RMND5B: variants seen among roughly 807,000 people sequenced by gnomAD.
RMND5B encodes E3 ubiquitin-protein transferase RMND5B.
A neutral mutation model predicts 50.4 loss-of-function variants in RMND5B; 42 were observed. The observed-to-expected ratio is 0.83, with a 90% CI of 0.65 to 1.08. The LOEUF (loss-of-function observed/expected upper bound fraction) is 1.08. RMND5B is among the 50% of genes least tolerant of loss of function. RMND5B has a pLI of 0.00. For missense variants in RMND5B, 463 were observed against 508.5 expected, an observed-to-expected ratio of 0.91 and a Z score of 0.86; for synonymous variants, 220 against 210.0, an observed-to-expected ratio of 1.05 and a Z score of -0.41.
In RMND5B at chr5:178,138,337, T is replaced by C. The variant is rs1385318970; in HGVS notation, c.139+79T>C. 2 of 1,545,798 alleles carry C rather than the reference T, an allele frequency of 1.3e-6. No individual in the cohort carries two copies. The highest frequency in any genetic ancestry group is 2.0e-5 in the Admixed American group (1 of 50,432). On this transcript the variant is annotated intron_variant, in intron 3 of 10. Transcript: ENST00000313386. The surrounding 1 kb of genome is among the most constrained non-coding windows in gnomAD (Gnocchi z 5.1). Reference sequence around the variant, plus strand: ...GACCCGAAGCTACTGAGTGACAGGGTTCCGGAAGGACGATGATGAGGATGT... The same window carrying C: ...GACCCGAAGCTACTGAGTGACAGGGCTCCGGAAGGACGATGATGAGGATGT...
chr5:178,135,616 A>T (rs1351069922), intron 2 of RMND5B, among the ~76,000 whole-genome samples: 3 of 152,148 alleles, frequency 2.0e-5, no homozygotes, highest in African/African-American at 4.8e-5. Context: ...TGAGGTCCCT[A>T]GATTGTTTCC....
chr5:178,147,294 G>A lies in RMND5B; in HGVS notation c.861-239G>A. On this transcript the variant is annotated intron_variant, in intron 8 of 10. Coordinates refer to ENST00000313386, the MANE Select transcript of RMND5B (RefSeq NM_022762.5). Reference sequence around the variant, plus strand: ...GCAGATATCTGCCCCTAGAGCTATAGGAAGTCTTCCCTGTAGGTTCTCAAA... The same window carrying A: ...GCAGATATCTGCCCCTAGAGCTATAAGAAGTCTTCCCTGTAGGTTCTCAAA... 4 of 562,594 alleles carry A rather than the reference G, an allele frequency of 7.1e-6. No homozygotes were observed. In the Middle Eastern group the frequency reaches 1.9e-3, roughly 267 times the overall value. The allele number at this position is 562,594 out of a possible 1,614,324, so 34.9% of individuals were successfully genotyped here.
At position 178,144,122 on chromosome 5, in the gene RMND5B, C is replaced by A; in HGVS notation, c.694+14C>A. 2 of 1,610,252 alleles carry A rather than the reference C, an allele frequency of 1.2e-6. No homozygotes were observed. Among genetic ancestry groups the A allele is most frequent in the Non-Finnish European group, 1.7e-6 (2 of 1,177,638 alleles). ...TGCACCAGCGGGGTGAGTGCCCAGGCAGCTGGGGTTGTGCTGCCTGGCCTG... is the reference window on the plus strand; with the variant it reads ...TGCACCAGCGGGGTGAGTGCCCAGGAAGCTGGGGTTGTGCTGCCTGGCCTG... On this transcript the variant is annotated intron_variant, in intron 7 of 10. Transcript: ENST00000313386.
intron 8 of RMND5B, 22 bp from the exon 9 acceptor site, chr5:178,147,511 A>C: frequency 6.2e-7 from 1 of 1,607,390 alleles, no homozygotes; most frequent in Non-Finnish European, 8.5e-7. Context: ...GAGCCACTCT[A>C]GCCCCTGTTC....
chr5:178,135,549 T>A (rs1241179412), intron 2 of RMND5B, among the ~76,000 whole-genome samples: 1 of 152,344 alleles, frequency 6.6e-6, no homozygotes, highest in Admixed American at 6.5e-5. Flanking sequence ...TTCTAAATGC[T>A]CCACAGGTTT....
At chr5:178,133,966 G>C (rs1353528172) in intron 2 of RMND5B, among the ~76,000 whole-genome samples, 1 of 152,106 alleles carries the variant, frequency 6.6e-6, no homozygotes, top group Non-Finnish European at 1.5e-5. Context: ...ACTCGCCTCG[G>C]CCTCCCAAAG....
chr5:178,141,660 T>C (rs1758951232), intron 3 of RMND5B: 1 of 152,150 alleles, frequency 6.6e-6, no homozygotes, highest in African/African-American at 2.4e-5. Flanking sequence ...AATACAGGTA[T>C]TAGCCAGTCT....
chr5:178,138,286 G>C lies in RMND5B; in HGVS notation c.139+28G>C, dbSNP rs889301216. 2 of 1,609,894 alleles carry C rather than the reference G, an allele frequency of 1.2e-6. No individual in the cohort carries two copies. Among genetic ancestry groups the C allele is most frequent in the South Asian group, 2.2e-5 (2 of 90,404 alleles). On this transcript the variant is annotated intron_variant, in intron 3 of 10. Transcript: ENST00000313386. This position sits in a 1 kb window ranked among gnomAD's most constrained non-coding sequence, Gnocchi z 5.1. ...GGGTGGCCACCCTTGCAAGTGCCCT[G>C]CGACAGCCTCCCTGAGGACATGGGA...
At chr5:178,141,009 G>C (rs1758905065) in intron 3 of RMND5B, among the ~76,000 whole-genome samples, 1 of 152,064 alleles carries the variant, frequency 6.6e-6, no homozygotes, top group African/African-American at 2.4e-5. Flanking sequence ...TTTATTAGTT[G>C]ACATTCAACT....
In RMND5B at chr5:178,142,912, C is replaced by G. The variant is rs753242115; in HGVS notation, c.346C>G (p.Gln116Glu). The G allele has an allele frequency of 6.2e-7, 1 of 1,614,226 alleles. No homozygotes were observed. The change falls in exon 5 of 11, where the codon CAG becomes GAG. Residue 116 changes from glutamine to glutamate, a missense_variant. Gln to Glu is a conservative substitution (Grantham distance 29). Coordinates refer to ENST00000313386, the MANE Select transcript of RMND5B (RefSeq NM_022762.5). Reference sequence around the variant, plus strand: ...TGCGGTGTGGGACGCGCGGGAACAGCAGCAGCAGATCCTGCAGATGGCCAT... The same window carrying G: ...TGCGGTGTGGGACGCGCGGGAACAGGAGCAGCAGATCCTGCAGATGGCCAT... ...SDAVWDAREQQQQILQMAIVE... is the reference protein window; with the variant it reads ...SDAVWDAREQEQQILQMAIVE...
In RMND5B at chr5:178,140,848, T is replaced by C. The variant is rs556655179; in HGVS notation, c.140-1735T>C. On this transcript the variant is annotated intron_variant, in intron 3 of 10. Coordinates refer to ENST00000313386, the MANE Select transcript of RMND5B (RefSeq NM_022762.5). ...GTCTCAAAAAAAAAAAAAAAGTAGT[T>C]TGTGGGGAGATACTTTGATACCATA... 2.8e-3 allele frequency among the ~76,000 whole-genome samples: 432 copies of C among 151,912 alleles called. 2 individuals carry two copies. The highest frequency in any genetic ancestry group is 0.01 in the African/African-American group (416 of 41,450).
intron 3 of RMND5B, chr5:178,142,272 G>A (rs577112352): frequency 2.1e-4 from 67 of 325,286 alleles, no homozygotes; most frequent in Middle Eastern, 1.9e-3. Flanking sequence ...TATGCATGCT[G>A]TAGTCCATGA....
chr5:178,150,386 T>G lies in RMND5B; in HGVS notation c.*2354T>G. 1 of 155,916 alleles carries G rather than the reference T, an allele frequency of 6.4e-6. No individual in the cohort carries two copies. Among genetic ancestry groups the G allele is most frequent in the South Asian group, 6.4e-5 (1 of 15,594 alleles). The allele number at this position is 155,916 out of a possible 1,614,324, so 9.7% of individuals were successfully genotyped here. A position where few individuals can be genotyped will look rare whatever the true frequency, so the allele number is the denominator to read the frequency against. ...CCCAAGATCCACCCCCAGCCTCTAT[T>G]TTTTTTTTTTGAGACAGGGCCTCAC... On this transcript the variant is annotated 3_prime_UTR_variant, in exon 11 of 11. Transcript: ENST00000313386.
In RMND5B at chr5:178,150,026, A is replaced by G. The variant is rs927717469; in HGVS notation, c.*1994A>G. ...CAATCAGACTTTGAAGGCATGGTCC[A>G]GCCACACAGGGCCTACATTCCCACA... On this transcript the variant is annotated 3_prime_UTR_variant, in exon 11 of 11. Coordinates refer to ENST00000313386, the MANE Select transcript of RMND5B (RefSeq NM_022762.5). 8.7e-6 allele frequency: 5 copies of G among 574,642 alleles called. No homozygotes were observed. The African/African-American group carries it at 9.5e-5, about 11-fold the overall frequency. The allele number at this position is 574,642 out of a possible 1,614,324, so 35.6% of individuals were successfully genotyped here.
chr5:178,145,567 TAAC>T (rs1390643394), intron 7 of RMND5B, among the ~76,000 whole-genome samples: 2 of 150,802 alleles, frequency 1.3e-5, no homozygotes, highest in East Asian at 2.0e-4. Context: ...CACGTCTGGC[TAAC>T]TTTATATATT....
chr5:178,143,987 C>T lies in RMND5B; in HGVS notation c.573C>T (p.Ser191=). 1 of 1,614,270 alleles carries T rather than the reference C, an allele frequency of 6.2e-7. No homozygotes were observed. Among genetic ancestry groups the T allele is most frequent in the Non-Finnish European group, 8.5e-7 (1 of 1,180,044 alleles). ...AGCGCCTGCTGGAACTCAACAGCTC[C>T]CTGGAGTTCAAGCTGCACCGACTGC... ...HRQRLLELNS[S]LEFKLHRLHF... is the part of the protein sequence containing the mutation. The change falls in exon 7 of 11, where the codon TCC becomes TCT. Residue 191 remains serine, a synonymous_variant. Transcript: ENST00000313386.
At position 178,147,715 on chromosome 5, in the gene RMND5B, G is replaced by A. The variant is rs772493752; in HGVS notation, c.964-14G>A. 6 of 1,614,004 alleles carry A rather than the reference G, an allele frequency of 3.7e-6. No homozygotes were observed. The highest frequency in any genetic ancestry group is 1.7e-5 in the Admixed American group (1 of 59,986). On this transcript the variant is annotated splice_polypyrimidine_tract_variant and intron_variant, in intron 9 of 10. Transcript: ENST00000313386. ...ACAGGAAGTGGAACTCACCCGCTTCGCTGCCCTTCCCAGATTGAGATTGAA... is the reference window on the plus strand; with the variant it reads ...ACAGGAAGTGGAACTCACCCGCTTCACTGCCCTTCCCAGATTGAGATTGAA...
At chr5:178,135,893 C>G (rs1758596635) in intron 2 of RMND5B, 1 of 152,220 alleles carries the variant, frequency 6.6e-6, no homozygotes, top group African/African-American at 2.4e-5. Flanking sequence ...GGCCAACATT[C>G]TAGTGTCCTG....
Position 178,147,819 on chromosome 5 carries a change from A to G in RMND5B, c.1054A>G (p.Ile352Val). The change falls in exon 10 of 11, where the codon ATC becomes GTC. Residue 352 changes from isoleucine (I) to valine (V), a missense_variant. Ile to Val is a conservative substitution (Grantham distance 29). Coordinates refer to ENST00000313386, the MANE Select transcript of RMND5B (RefSeq NM_022762.5). ...RQQTSDSNPP[I>V]KLICGHVISR... ...GCAGACGTCAGATTCCAACCCTCCCATCAAGCTCATCTGTGGCCATGTTAT... is the reference window on the plus strand; with the variant it reads ...GCAGACGTCAGATTCCAACCCTCCCGTCAAGCTCATCTGTGGCCATGTTAT... 1 of 1,614,046 alleles carries G rather than the reference A, an allele frequency of 6.2e-7. No individual in the cohort carries two copies. Among genetic ancestry groups the G allele is most frequent in the Non-Finnish European group, 8.5e-7 (1 of 1,180,004 alleles).
Sources: gnomAD v4.1 joint callset for allele counts (sites outside exome capture counted in the v4.1 genomes callset) on GRCh38, gnomAD v4.1.1 for gene constraint, Gnocchi (gnomAD v3.1) non-coding constraint, MANE v1.5 for transcripts, NCBI Gene and HGNC (gene_info 2026-07-23, HGNC 2026-07-21) for gene names.